STAU2: variants seen among roughly 807,000 people sequenced by gnomAD.
The protein encoded by STAU2 is double-stranded RNA-binding protein Staufen homolog 2.
In STAU2, 20 loss-of-function variants were observed where a neutral mutation model predicts 65.9. That is an observed-to-expected ratio of 0.30 (90% confidence interval 0.21 to 0.44). STAU2 has a LOEUF of 0.44. Among genes scored for constraint, STAU2 ranks in the 20% least tolerant of loss-of-function variants. The pLI, the probability that STAU2 is intolerant of heterozygous loss-of-function variation, is 1.00. For synonymous variants in STAU2, 232 were observed against 233.9 expected (o/e 0.99, Z 0.07); for missense variants, 558 against 683.9 (o/e 0.82, Z 2.05).
At chr8:73,471,603 G>A (rs373066967) in intron 13 of STAU2, among the ~76,000 whole-genome samples, 2 of 150,810 alleles carry the variant, frequency 1.3e-5, no homozygotes, top group African/African-American at 4.9e-5. Flanking sequence ...TAAATCACCC[G>A]AGGTCAGGAG....
chr8:73,710,765 A>C lies in STAU2; in HGVS notation c.-17-1603T>G, dbSNP rs1344641427. Among the ~76,000 whole-genome samples, 10 of 152,076 alleles carry C rather than the reference A, an allele frequency of 6.6e-5. No individual in the cohort carries two copies. In the South Asian group the frequency reaches 2.1e-3, roughly 31 times the overall value. ...CCAAAATATATTTTAAAATCTAAGC[A>C]TAAAACATGCAAGTGGATTACTTCC... On this transcript the variant is annotated intron_variant, in intron 3 of 14. Transcript: ENST00000524300.
intron 6 of STAU2, among the ~76,000 whole-genome samples, chr8:73,641,628 T>A (rs1416935022): frequency 6.6e-6 from 1 of 152,182 alleles, no homozygotes; most frequent in Non-Finnish European, 1.5e-5. Context: ...ATTATATACA[T>A]CTCTAGAAGA....
At chr8:73,698,120 G>A (rs1308633405) in intron 4 of STAU2, among the ~76,000 whole-genome samples, 2 of 151,742 alleles carry the variant, frequency 1.3e-5, no homozygotes, top group African/African-American at 2.4e-5. Flanking sequence ...GTATTTGCAA[G>A]CCTCATAGTA....
At chr8:73,622,043 G>A (rs1268178793) in intron 6 of STAU2, among the ~76,000 whole-genome samples, 2 of 139,610 alleles carry the variant, frequency 1.4e-5, no homozygotes, top group African/African-American at 5.4e-5. Flanking sequence ...CGCAAGCTCC[G>A]CCTCCCGGGT....
At chr8:73,664,314 G>A (rs1384222430) in intron 6 of STAU2, among the ~76,000 whole-genome samples, 4 of 152,054 alleles carry the variant, frequency 2.6e-5, no homozygotes, top group Non-Finnish European at 5.9e-5. Context: ...ATGAGCCACC[G>A]TACCAGTCCT....
At chr8:73,746,431 C>T (rs557351759) in intron 1 of STAU2, among the ~76,000 whole-genome samples, 1 of 152,002 alleles carries the variant, frequency 6.6e-6, no homozygotes, top group African/African-American at 2.4e-5. Context: ...CCCGCAGCCG[C>T]GTTCCTGTCT....
intron 13 of STAU2, among the ~76,000 whole-genome samples, chr8:73,450,708 G>T (rs4738362): frequency 0.75 from 113,603 of 152,162 alleles, 42,942 homozygotes; most frequent in East Asian, 0.96. Context: ...AGTACCCTCT[G>T]CCTTCAATCT....
At chr8:73,477,167 C>T (rs77091634) in intron 13 of STAU2, among the ~76,000 whole-genome samples, 14,993 of 152,008 alleles carry the variant, frequency 0.099, 937 homozygotes, top group Non-Finnish European at 0.15. Flanking sequence ...AGCCATCAGA[C>T]GGGAGGGGAA....
In STAU2 at chr8:73,663,394, G is replaced by A. The variant is rs142664458; in HGVS notation, c.410+9713C>T. On this transcript the variant is annotated intron_variant, in intron 6 of 14. Coordinates refer to ENST00000524300, the MANE Select transcript of STAU2 (RefSeq NM_001164380.2). ...AACAGGCAAGCCAGACGTGACCCAT[G>A]GGCTATAGTTTGCCAACTGCTGTTT... Among the ~76,000 whole-genome samples, 594 of 152,190 alleles carry A rather than the reference G, an allele frequency of 3.9e-3. 1 individual carries two copies. The highest frequency in any genetic ancestry group is 0.014 in the African/African-American group (566 of 41,526).
At chr8:73,683,112 A>G (rs1398293516) in intron 5 of STAU2, among the ~76,000 whole-genome samples, 2 of 152,196 alleles carry the variant, frequency 1.3e-5, no homozygotes, top group South Asian at 2.1e-4. Flanking sequence ...AAATCATTCA[A>G]TGAAGCCATT....
chr8:73,579,685 T>C (rs910301819), intron 12 of STAU2, among the ~76,000 whole-genome samples: 1 of 152,224 alleles, frequency 6.6e-6, no homozygotes, highest in African/African-American at 2.4e-5. Context: ...TACAGAGTTA[T>C]GTGTTTTTAT....
intron 1 of STAU2, among the ~76,000 whole-genome samples, chr8:73,743,183 A>C (rs1456089601): frequency 6.6e-6 from 1 of 152,144 alleles, no homozygotes; most frequent in Admixed American, 6.5e-5. Context: ...CTTACGCCAC[A>C]AACTATTCTA....
chr8:73,645,307 T>TG (rs1815287344), intron 6 of STAU2, among the ~76,000 whole-genome samples: 1 of 152,208 alleles, frequency 6.6e-6, no homozygotes, highest in Non-Finnish European at 1.5e-5. Flanking sequence ...TCAATCAATG[T>TG]AATCTATCAC....
rs1409918065 is a variant in STAU2, at chr8:73,731,809, C to T, written c.-18+6475G>A. Reference sequence around the variant, plus strand: ...AAAAAATTAGCCAGGTGCGGTGGTGCACGTCTGTAGTCCCAGCTACTCAGG... The same window carrying T: ...AAAAAATTAGCCAGGTGCGGTGGTGTACGTCTGTAGTCCCAGCTACTCAGG... On this transcript the variant is annotated intron_variant, in intron 3 of 14. Transcript: ENST00000524300. Among the ~76,000 whole-genome samples the T allele has an allele frequency of 7.2e-5, 11 of 152,070 alleles. No homozygotes were observed. In the South Asian group the frequency reaches 2.3e-3, roughly 32 times the overall value.
chr8:73,574,923 TA>T (rs750665280), intron 12 of STAU2, among the ~76,000 whole-genome samples: 88 of 151,064 alleles, frequency 5.8e-4, no homozygotes, highest in African/African-American at 2.0e-3. Flanking sequence ...AATAAATAAA[TA>T]AAATAAAATA....
intron 1 of STAU2, among the ~76,000 whole-genome samples, chr8:73,741,221 C>T (rs1314026733): frequency 1.4e-5 from 2 of 146,586 alleles, no homozygotes; most frequent in Non-Finnish European, 3.0e-5. Flanking sequence ...AGGAGAATGG[C>T]GTGAACCCGG....
At chr8:73,492,211 T>C (rs1217516473) in intron 13 of STAU2, among the ~76,000 whole-genome samples, 7 of 151,924 alleles carry the variant, frequency 4.6e-5, no homozygotes, top group Non-Finnish European at 8.8e-5. Context: ...AACTATGCCA[T>C]ACAAGCTACT....
At chr8:73,532,431 T>C (rs1170665281) in intron 13 of STAU2, among the ~76,000 whole-genome samples, 3 of 152,074 alleles carry the variant, frequency 2.0e-5, no homozygotes, top group African/African-American at 7.2e-5. Flanking sequence ...CTCACACCTG[T>C]AATCCCAGTG....
intron 12 of STAU2, among the ~76,000 whole-genome samples, chr8:73,571,086 G>T (rs1454289564): frequency 6.6e-6 from 1 of 152,002 alleles, no homozygotes; most frequent in African/African-American, 2.4e-5. Flanking sequence ...AAAAAGCAGG[G>T]GTTGCAATCC....
Sources: gnomAD v4.1 joint callset for allele counts (sites outside exome capture counted in the v4.1 genomes callset) on GRCh38, gnomAD v4.1.1 for gene constraint, MANE v1.5 for transcripts, NCBI Gene and HGNC (gene_info 2026-07-23, HGNC 2026-07-21) for gene names.